The following PCDHGA1 variants were observed in gnomAD, a reference collection of about 807,000 sequenced individuals.
PCDHGA1 encodes protocadherin gamma-A1.
Under a neutral mutation model 58.0 loss-of-function variants are expected in PCDHGA1, and 32 were observed. The observed-to-expected ratio is 0.55, with a 90% CI of 0.42 to 0.74. PCDHGA1 has a LOEUF of 0.74. PCDHGA1 is among the 30% of genes least tolerant of loss of function. PCDHGA1 has a pLI of 0.00. For missense variants in PCDHGA1, 1,205 were observed against 1,182.3 expected (o/e 1.02, Z -0.28); for synonymous variants, 498 against 501.1 (o/e 0.99, Z 0.08).
intron 1 of PCDHGA1, chr5:141,378,481 C>A (rs975283855): frequency 6.6e-6 from 1 of 152,178 alleles, no homozygotes; most frequent in East Asian, 1.9e-4. Flanking sequence ...CAAGATCGTG[C>A]CACTGCACTC....
rs1215952421 is a variant in PCDHGA1 at position 141,334,442 on chromosome 5, C to G, written c.2421+1337C>G. On this transcript the variant is annotated intron_variant, in intron 1 of 3. Transcript: ENST00000517417. The surrounding 1 kb of genome is among the most constrained non-coding windows in gnomAD (Gnocchi z 4.6). ...GGAGTTCAAGACCAGCCGGACAGGG[C>G]GGCCTGCGACTGTAGTCCCAGCTAC... 1 of 131,714 alleles carries G rather than the reference C, an allele frequency of 7.6e-6. No homozygotes were observed. Among genetic ancestry groups the G allele is most frequent in the East Asian group, 2.6e-4 (1 of 3,824 alleles). 8.2% of individuals were successfully genotyped at this position (131,714 alleles called of 1,614,324 possible).
At chr5:141,409,047 G>T in intron 1 of PCDHGA1, 2 of 1,613,982 alleles carry the variant, frequency 1.2e-6, no homozygotes, top group Admixed American at 1.7e-5. Flanking sequence ...TACTACTTCC[G>T]AAGCACTGCC....
At chr5:141,422,344 C>A in intron 1 of PCDHGA1, 1 of 1,550,890 alleles carries the variant, frequency 6.4e-7, no homozygotes, top group Non-Finnish European at 8.7e-7. Flanking sequence ...TCTAAATGTG[C>A]AAGATCAAGA....
chr5:141,385,388 G>A (rs757763221), intron 1 of PCDHGA1: 1 of 1,507,708 alleles, frequency 6.6e-7, no homozygotes, highest in Non-Finnish European at 8.8e-7. Context: ...CTATTATTTT[G>A]CAAAACAAAT....
chr5:141,358,015 C>A (rs563635829), intron 1 of PCDHGA1, among the ~76,000 whole-genome samples: 2 of 152,188 alleles, frequency 1.3e-5, no homozygotes, highest in African/African-American at 4.8e-5. Flanking sequence ...CATGGTGAAA[C>A]CCAGTCTCTA....
intron 1 of PCDHGA1, chr5:141,404,040 G>C (rs1373988780): frequency 6.2e-7 from 1 of 1,613,692 alleles, no homozygotes; most frequent in Non-Finnish European, 8.5e-7. Flanking sequence ...GCACCTCAGG[G>C]AACAGTAATT....
chr5:141,375,250 T>C (rs1771286937), intron 1 of PCDHGA1: 3 of 1,613,664 alleles, frequency 1.9e-6, no homozygotes, highest in Non-Finnish European at 2.5e-6. Context: ...TCCCGAGAAG[T>C]CTCCCATTTG....
Position 141,432,812 on chromosome 5 carries a change from G to A in PCDHGA1, c.2422-61995G>A, listed in dbSNP as rs753429933. ...CAGCCTCGAGTCTCCAGCTAACTCT[G>A]AAACCTCAGACCTCACTCTGTACCT... On this transcript the variant is annotated intron_variant, in intron 1 of 3. Coordinates refer to ENST00000517417, the MANE Select transcript of PCDHGA1 (RefSeq NM_018912.3). This position sits in a 1 kb window ranked among gnomAD's most constrained non-coding sequence, Gnocchi z 6.0. 1.2e-6 allele frequency: 2 copies of A among 1,614,176 alleles called. No homozygotes were observed. Among genetic ancestry groups the A allele is most frequent in the Non-Finnish European group, 1.7e-6 (2 of 1,180,014 alleles).
chr5:141,362,634 T>G, intron 1 of PCDHGA1: 1 of 1,484,528 alleles, frequency 6.7e-7, no homozygotes, highest in East Asian at 2.4e-5. Context: ...ACTGCGTATT[T>G]CTTTGTCTGT....
chr5:141,363,877 G>A (rs1763094721), intron 1 of PCDHGA1, among the ~76,000 whole-genome samples: 1 of 152,112 alleles, frequency 6.6e-6, no homozygotes. Flanking sequence ...GTAAATAAAG[G>A]ACATAGGCTC....
intron 1 of PCDHGA1, chr5:141,399,855 C>A (rs773247537): frequency 2.5e-6 from 4 of 1,612,892 alleles, no homozygotes; most frequent in Non-Finnish European, 2.5e-6. Context: ...TGGTGCCGCG[C>A]GCTGCAGAGC....
At chr5:141,494,759 C>G (rs776923097) in intron 1 of PCDHGA1, 48 bp from the exon 2 acceptor site, 2 of 1,613,886 alleles carry the variant, frequency 1.2e-6, no homozygotes, top group Middle Eastern at 1.6e-4. Flanking sequence ...GGGTGACATT[C>G]TAACTTCTCA....
intron 1 of PCDHGA1, chr5:141,376,543 T>C: frequency 1.2e-6 from 2 of 1,613,014 alleles, no homozygotes. Flanking sequence ...AAGAGTAATC[T>C]GATCTTCCCG....
At position 141,477,763 on chromosome 5, in the gene PCDHGA1, C is replaced by A. The variant is rs763322593; in HGVS notation, c.2422-17044C>A. On this transcript the variant is annotated intron_variant, in intron 1 of 3. Coordinates refer to ENST00000517417, the MANE Select transcript of PCDHGA1 (RefSeq NM_018912.3). The surrounding 1 kb of genome is among the most constrained non-coding windows in gnomAD (Gnocchi z 4.9). ...ATGGGGGCACCCCGGTCCTAGCCAC[C>A]AACATCAGCGTGAACATATTTGTCA... 5.0e-6 allele frequency: 8 copies of A among 1,613,894 alleles called. No homozygotes were observed. The East Asian group carries it at 1.6e-4, about 31-fold the overall frequency.
intron 3 of PCDHGA1, 110 bp from the exon 4 acceptor site, chr5:141,510,837 G>A (rs969654751): frequency 1.3e-6 from 2 of 1,586,392 alleles, no homozygotes; most frequent in Non-Finnish European, 8.6e-7. Context: ...GCTCAGCGTG[G>A]TCAAGGCCCA....
At chr5:141,400,376 T>A in intron 1 of PCDHGA1, 1 of 1,614,070 alleles carries the variant, frequency 6.2e-7, no homozygotes, top group East Asian at 2.2e-5. Context: ...TCCTACAACC[T>A]ATGTGTTGCA....
intron 3 of PCDHGA1, among the ~76,000 whole-genome samples, chr5:141,507,918 G>C (rs1409126707): frequency 6.6e-6 from 1 of 152,208 alleles, no homozygotes; most frequent in Non-Finnish European, 1.5e-5. Flanking sequence ...CAGGCCTGTG[G>C]GGCTGCTGAG....
chr5:141,355,298 A>C (rs374574090), intron 1 of PCDHGA1: 19 of 1,613,694 alleles, frequency 1.2e-5, no homozygotes, highest in African/African-American at 6.7e-5. Context: ...CAGATTCTCT[A>C]CTCGGTGTTT....
intron 1 of PCDHGA1, among the ~76,000 whole-genome samples, chr5:141,480,911 G>A (rs2154578422): frequency 6.6e-6 from 1 of 152,218 alleles, no homozygotes; most frequent in East Asian, 1.9e-4. Flanking sequence ...TGGGCATGGT[G>A]GCGCATACCT....
Sources: allele counts gnomAD v4.1 joint callset (sites outside exome capture counted in the v4.1 genomes callset), GRCh38; gene constraint gnomAD v4.1.1; non-coding constraint Gnocchi (gnomAD v3.1); transcripts MANE v1.5; gene names NCBI Gene and HGNC (gene_info 2026-07-23, HGNC 2026-07-21).